FSTL4: variants seen among roughly 807,000 people sequenced by gnomAD.
The protein encoded by FSTL4 is follistatin-related protein 4.
FSTL4 carries 28 observed loss-of-function variants against 78.2 expected under a neutral mutation model. The ratio of observed to expected loss-of-function variants is 0.36; its 90% CI spans 0.27 to 0.49. The LOEUF (loss-of-function observed/expected upper bound fraction) is 0.49, where lower values mean the gene tolerates loss of function less well. Among genes scored for constraint, FSTL4 ranks in the 20% least tolerant of loss-of-function variants. The probability of loss-of-function intolerance (pLI) is 0.98; values close to 1 mark genes in which losing one functional copy is unlikely to be tolerated. For synonymous variants in FSTL4, 422 were observed against 440.5 expected, an observed-to-expected ratio of 0.96 and a Z score of 0.53; for missense variants, 922 against 1,084.9, an observed-to-expected ratio of 0.85 and a Z score of 2.11.
rs73280143 is a variant in FSTL4, at chr5:133,405,295, G to A, written c.161-4309C>T. ...CAAAACTGGCTGAAAAGAGCAAGGC[G>A]TGAATGCAGAAGACCAGAGGCAGTG... On this transcript the variant is annotated intron_variant, in intron 3 of 15. Transcript: ENST00000265342. Among the ~76,000 whole-genome samples, 1,368 of 152,292 alleles carry A rather than the reference G, an allele frequency of 9.0e-3. 18 individuals are homozygous for A. Among genetic ancestry groups the A allele is most frequent in the African/African-American group, 0.031 (1,281 of 41,542 alleles).
At chr5:133,595,326 A>G (rs1760716752) in intron 2 of FSTL4, among the ~76,000 whole-genome samples, 1 of 152,264 alleles carries the variant, frequency 6.6e-6, no homozygotes, top group South Asian at 2.1e-4. Flanking sequence ...GAGTCCAGTG[A>G]CTATCTCCTG....
At chr5:133,651,658 C>T in the FSTL4 span, among the ~76,000 whole-genome samples, 3 of 151,398 alleles carry the variant, frequency 2.0e-5, no homozygotes, top group South Asian at 2.1e-4. Flanking sequence ...TTTTTTGAGG[C>T]GGAGTCTTGC....
At chr5:133,589,900 T>C (rs187213327) in intron 2 of FSTL4, among the ~76,000 whole-genome samples, 12 of 152,316 alleles carry the variant, frequency 7.9e-5, no homozygotes, top group South Asian at 4.1e-4. Flanking sequence ...AGCTCACTTA[T>C]CTTGAAGCCT....
At chr5:133,307,811 C>T (rs55885706) in intron 6 of FSTL4, among the ~76,000 whole-genome samples, 51,531 of 147,162 alleles carry the variant, frequency 0.35, 10,343 homozygotes, top group Middle Eastern at 0.53. Flanking sequence ...GATGGAGTCT[C>T]GCTCTGTTGC....
intron 3 of FSTL4, among the ~76,000 whole-genome samples, chr5:133,422,380 G>A (rs1756716301): frequency 6.6e-6 from 1 of 152,162 alleles, no homozygotes; most frequent in South Asian, 2.1e-4. Flanking sequence ...GAGCAAGAGA[G>A]CCGGGCCTGG....
chr5:133,312,966 G>T (rs61259662), intron 5 of FSTL4, among the ~76,000 whole-genome samples, 189 bp from the exon 6 acceptor site: 1 of 152,266 alleles, frequency 6.6e-6, no homozygotes, highest in African/African-American at 2.4e-5. Flanking sequence ...GTTCAGAGAG[G>T]GGAAGTGGCT....
At chr5:133,626,270 A>G in the FSTL4 span, among the ~76,000 whole-genome samples, 1 of 7,498 alleles carries the variant, frequency 1.3e-4, no homozygotes. Context: ...TATTCCATAT[A>G]TATATATTCC....
chr5:133,352,799 T>C (rs992311163), intron 4 of FSTL4, among the ~76,000 whole-genome samples: 11 of 152,222 alleles, frequency 7.2e-5, no homozygotes, highest in African/African-American at 2.7e-4. Context: ...TTTTTATGGC[T>C]GCGTAGTATT....
intron 3 of FSTL4, among the ~76,000 whole-genome samples, chr5:133,489,832 C>T (rs1273240572): frequency 6.6e-6 from 1 of 152,218 alleles, no homozygotes; most frequent in Admixed American, 6.5e-5. Flanking sequence ...TGAACAGATG[C>T]CCATGAACAT....
intron 14 of FSTL4, chr5:133,209,778 G>C (rs2126770731): frequency 5.5e-6 from 1 of 180,420 alleles, no homozygotes; most frequent in South Asian, 1.4e-4. Context: ...CTTGGTAAGT[G>C]GGCTTTTGTT....
At chr5:133,772,660 G>A in the FSTL4 span, among the ~76,000 whole-genome samples, 1 of 152,144 alleles carries the variant, frequency 6.6e-6, no homozygotes, top group Non-Finnish European at 1.5e-5. Flanking sequence ...GAGAACACAT[G>A]TGCACGAGAG....
intron 7 of FSTL4, among the ~76,000 whole-genome samples, chr5:133,242,293 G>A (rs558475272): frequency 6.6e-6 from 1 of 152,162 alleles, no homozygotes; most frequent in Non-Finnish European, 1.5e-5. Flanking sequence ...TGCAGAGAGT[G>A]CCTTGGAGGG....
At chr5:133,728,622 G>A in the FSTL4 span, among the ~76,000 whole-genome samples, 1 of 152,230 alleles carries the variant, frequency 6.6e-6, no homozygotes, top group Non-Finnish European at 1.5e-5. Context: ...TAGAGGAACT[G>A]GAATCAGCCT....
chr5:133,257,003 G>A (rs1404626879), intron 6 of FSTL4, among the ~76,000 whole-genome samples: 1 of 152,210 alleles, frequency 6.6e-6, no homozygotes, highest in Non-Finnish European at 1.5e-5. Flanking sequence ...TTTGTAAGCT[G>A]CATAAAGGCA....
At chr5:133,800,209 T>TG in the FSTL4 span, among the ~76,000 whole-genome samples, 1 of 137,908 alleles carries the variant, frequency 7.3e-6, no homozygotes, top group Non-Finnish European at 1.6e-5. Flanking sequence ...TTCCAAATAT[T>TG]GGGGGGCAGT....
the FSTL4 span, among the ~76,000 whole-genome samples, chr5:133,764,381 G>A: frequency 3.9e-5 from 6 of 152,216 alleles, no homozygotes; most frequent in African/African-American, 4.8e-5. Context: ...CAGCGGGCCC[G>A]TATGATGCAC....
chr5:133,413,166 T>C (rs1223191661), intron 3 of FSTL4, among the ~76,000 whole-genome samples: 1 of 152,142 alleles, frequency 6.6e-6, no homozygotes, highest in Non-Finnish European at 1.5e-5. Flanking sequence ...TGAAGAACCT[T>C]AGAACACCTT....
At chr5:133,841,992 C>A in the FSTL4 span, among the ~76,000 whole-genome samples, 8 of 152,186 alleles carry the variant, frequency 5.3e-5, no homozygotes, top group African/African-American at 1.7e-4. Context: ...CACTGGCTGC[C>A]GGCATTTCTG....
chr5:133,634,117 C>T, the FSTL4 span, among the ~76,000 whole-genome samples: 1 of 152,092 alleles, frequency 6.6e-6, no homozygotes, highest in Non-Finnish European at 1.5e-5. Flanking sequence ...AGAAAGGGTG[C>T]CTTCTTCCTG....
Sources: gnomAD v4.1 joint callset for allele counts (sites outside exome capture counted in the v4.1 genomes callset) on GRCh38, gnomAD v4.1.1 for gene constraint, MANE v1.5 for transcripts, NCBI Gene and HGNC (gene_info 2026-07-23, HGNC 2026-07-21) for gene names.